The following MAD1L1 variants were observed in gnomAD, a reference collection of about 807,000 sequenced individuals.
MAD1L1 encodes mitotic arrest deficient 1 like 1.
Under a neutral mutation model 96.9 loss-of-function variants are expected in MAD1L1, and 95 were observed. That is an observed-to-expected ratio of 0.98 (90% CI 0.83 to 1.16). The LOEUF (loss-of-function observed/expected upper bound fraction) is 1.16, where lower values mean the gene tolerates loss of function less well. MAD1L1 is among the 50% of genes most tolerant of loss of function. The pLI, the probability that MAD1L1 is intolerant of heterozygous loss-of-function variation, is 0.00. For missense variants in MAD1L1, 1,007 were observed against 954.4 expected, an observed-to-expected ratio of 1.06 and a Z score of -0.73; for synonymous variants, 473 against 396.6, an observed-to-expected ratio of 1.19 and a Z score of -2.29.
chr7:1,951,976 T>C (rs948037561), intron 16 of MAD1L1, among the ~76,000 whole-genome samples: 5 of 152,142 alleles, frequency 3.3e-5, no homozygotes. Flanking sequence ...CTGGTCAGTG[T>C]GGTGAAACAA....
chr7:2,228,609 T>C (rs1794031106), intron 3 of MAD1L1, among the ~76,000 whole-genome samples: 1 of 151,588 alleles, frequency 6.6e-6, no homozygotes, highest in Non-Finnish European at 1.5e-5. Context: ...ATCTATTACC[T>C]TCATAATTTC....
At chr7:2,166,388 G>C (rs1259302707) in intron 10 of MAD1L1, among the ~76,000 whole-genome samples, 2 of 152,140 alleles carry the variant, frequency 1.3e-5, no homozygotes, top group Non-Finnish European at 2.9e-5. Context: ...GGGCTTCAAA[G>C]CAGCCTGGGT....
intron 18 of MAD1L1, among the ~76,000 whole-genome samples, chr7:1,826,592 G>A (rs1460610966): frequency 2.0e-5 from 3 of 152,296 alleles, no homozygotes; most frequent in South Asian, 4.1e-4. Context: ...TCCCTCCGGC[G>A]TCCCTCGGGG....
In MAD1L1 at chr7:2,034,310, G is replaced by A. The variant is rs542371894; in HGVS notation, c.1219-19668C>T. Among the ~76,000 whole-genome samples the A allele has an allele frequency of 5.3e-5, 8 of 150,982 alleles. No individual in the cohort carries two copies. In the East Asian group the frequency reaches 5.9e-4, roughly 11 times the overall value. On this transcript the variant is annotated intron_variant, in intron 12 of 18. Coordinates refer to ENST00000265854, the MANE Select transcript of MAD1L1 (RefSeq NM_001013836.2). ...AGGCTCACAGCAACCTTTGTCTCCCGGGTTCAAGCGATTCTCCTGCCTCAG... is the reference window on the plus strand; with the variant it reads ...AGGCTCACAGCAACCTTTGTCTCCCAGGTTCAAGCGATTCTCCTGCCTCAG...
intron 12 of MAD1L1, among the ~76,000 whole-genome samples, chr7:2,031,263 T>C (rs1562622287): frequency 6.6e-6 from 1 of 152,184 alleles, no homozygotes; most frequent in Admixed American, 6.5e-5. Flanking sequence ...CACAGCTGTC[T>C]TGGGGTTACC....
intron 18 of MAD1L1, among the ~76,000 whole-genome samples, chr7:1,837,921 G>T (rs1048500555): frequency 1.3e-5 from 2 of 152,260 alleles, no homozygotes; most frequent in Admixed American, 6.5e-5. Context: ...GGAAGCCCTG[G>T]CAGGAGGAGG....
At chr7:1,843,658 G>C (rs1783412805) in intron 18 of MAD1L1, among the ~76,000 whole-genome samples, 2 of 152,366 alleles carry the variant, frequency 1.3e-5, no homozygotes, top group East Asian at 1.9e-4. Flanking sequence ...GAAGGAGTCA[G>C]AAACCAAGGC....
At chr7:1,854,576 G>A (rs58849513) in intron 18 of MAD1L1, among the ~76,000 whole-genome samples, 5 of 152,046 alleles carry the variant, frequency 3.3e-5, no homozygotes, top group Non-Finnish European at 5.9e-5. Context: ...CCATTCACGA[G>A]GGCCCCACCC....
chr7:1,882,495 G>A (rs914096805), intron 18 of MAD1L1, among the ~76,000 whole-genome samples: 4 of 152,306 alleles, frequency 2.6e-5, no homozygotes, highest in African/African-American at 7.2e-5. Context: ...GGTGAGGGGC[G>A]CGCGGGCCGT....
chr7:2,007,278 G>C (rs961068842), intron 13 of MAD1L1, among the ~76,000 whole-genome samples: 29 of 152,256 alleles, frequency 1.9e-4, no homozygotes, highest in Non-Finnish European at 4.4e-5. Context: ...AGCCGACAGT[G>C]CCACAGCGGA....
intron 12 of MAD1L1, among the ~76,000 whole-genome samples, chr7:2,043,652 G>A (rs1238707375): frequency 6.6e-6 from 1 of 152,178 alleles, no homozygotes; most frequent in African/African-American, 2.4e-5. Context: ...GGGGGGGCTG[G>A]GGATCCAGAC....
intron 10 of MAD1L1, chr7:2,175,280 G>A (rs940868384): frequency 3.9e-5 from 6 of 152,306 alleles, no homozygotes; most frequent in African/African-American, 7.2e-5. Flanking sequence ...TTATGTCCTC[G>A]TGTGGCCACT....
intron 18 of MAD1L1, among the ~76,000 whole-genome samples, chr7:1,890,470 A>C (rs1326238066): frequency 3.9e-5 from 6 of 152,198 alleles, no homozygotes; most frequent in African/African-American, 1.2e-4. Flanking sequence ...CCATGAGTGG[A>C]CGCAGCCTGA....
intron 18 of MAD1L1, among the ~76,000 whole-genome samples, chr7:1,859,368 G>A (rs1784409860): frequency 1.3e-5 from 2 of 152,230 alleles, no homozygotes; most frequent in South Asian, 4.1e-4. Flanking sequence ...TCTCCCCGTT[G>A]ATTCCAACTC....
Position 2,069,438 on chromosome 7 carries a change from A to C in MAD1L1, c.1074-100T>G, listed in dbSNP as rs901658139. 3.3e-5 allele frequency: 40 copies of C among 1,204,096 alleles called. 1 individual carries two copies. The Middle Eastern group carries it at 1.8e-3, about 53-fold the overall frequency. 74.6% of individuals were successfully genotyped at this position (1,204,096 alleles called of 1,614,324 possible). On this transcript the variant is annotated intron_variant, in intron 11 of 18. Coordinates refer to ENST00000265854, the MANE Select transcript of MAD1L1 (RefSeq NM_001013836.2). ...GAACGAGCCCACCAGGACATCCTAA[A>C]ATAGAGCTGCACGTGCAACCCCCTC...
At chr7:1,866,148 G>A (rs1052885269) in intron 18 of MAD1L1, among the ~76,000 whole-genome samples, 3 of 152,236 alleles carry the variant, frequency 2.0e-5, no homozygotes, top group Non-Finnish European at 2.9e-5. Context: ...GTGGGAGGGG[G>A]GCCAGAACGC....
intron 18 of MAD1L1, among the ~76,000 whole-genome samples, chr7:1,877,260 T>C (rs1785433175): frequency 2.0e-5 from 3 of 152,154 alleles, no homozygotes; most frequent in African/African-American, 4.8e-5. Flanking sequence ...ACATTTGAGC[T>C]CATTATGTAA....
intron 18 of MAD1L1, among the ~76,000 whole-genome samples, chr7:1,891,047 T>C (rs1156253927): frequency 6.6e-6 from 1 of 152,056 alleles, no homozygotes; most frequent in East Asian, 1.9e-4. Flanking sequence ...CTTCCCCTGC[T>C]GAGGTCCGGC....
intron 17 of MAD1L1, among the ~76,000 whole-genome samples, chr7:1,914,760 G>A (rs1788264487): frequency 6.7e-6 from 1 of 150,050 alleles, no homozygotes; most frequent in African/African-American, 2.5e-5. Context: ...ATTACAGGCA[G>A]GTGCTACCAC....
Sources: gnomAD v4.1 joint callset for allele counts (sites outside exome capture counted in the v4.1 genomes callset) on GRCh38, gnomAD v4.1.1 for gene constraint, MANE v1.5 for transcripts, NCBI Gene and HGNC (gene_info 2026-07-23, HGNC 2026-07-21) for gene names.